The following ARHGEF37 variants were observed in gnomAD, a reference collection of about 807,000 sequenced individuals.
ARHGEF37 encodes the protein Rho guanine nucleotide exchange factor 37.
ARHGEF37 carries 55 observed loss-of-function variants against 71.1 expected under a neutral mutation model. The observed-to-expected ratio is 0.77, with a 90% CI of 0.62 to 0.97. The LOEUF is 0.97. Among genes scored for constraint, ARHGEF37 ranks in the 50% least tolerant of loss-of-function variants. ARHGEF37 has a pLI of 0.00. For missense variants in ARHGEF37, 765 were observed against 836.8 expected (o/e 0.91, Z 1.06); for synonymous variants, 327 against 350.6 (o/e 0.93, Z 0.75).
chr5:149,609,911 C>G (rs1161180282), intron 4 of ARHGEF37, among the ~76,000 whole-genome samples: 1 of 152,218 alleles, frequency 6.6e-6, no homozygotes, highest in African/African-American at 2.4e-5. Context: ...CTTCCTTATG[C>G]TCCACTGAAG....
At chr5:149,602,143 G>T (rs546450121) in intron 3 of ARHGEF37, among the ~76,000 whole-genome samples, 2 of 149,672 alleles carry the variant, frequency 1.3e-5, no homozygotes, top group African/African-American at 4.9e-5. Context: ...TGCAACCTCC[G>T]CCTCCTGGGT....
At position 149,555,144 on chromosome 5, in the gene ARHGEF37, AAAAG is replaced by A. The variant is rs1244317095; in HGVS notation, c.-12+3034_-12+3037del. ...AGACTCTGTCTCAAAAAAAAAAAAA[AAAAG>A]AAAGAAAGAAAGGAGTCTTCAAAGA... is the stretch of plus-strand genomic sequence containing the variant. On this transcript the variant is annotated intron_variant, in intron 1 of 2. Transcript: ENST00000505810. Among the ~76,000 whole-genome samples, 576 of 151,590 alleles carry A rather than the reference AAAAG, an allele frequency of 3.8e-3. 2 individuals carry two copies. Among genetic ancestry groups the A allele is most frequent in the African/African-American group, 0.013 (520 of 41,312 alleles).
intron 1 of ARHGEF37, among the ~76,000 whole-genome samples, chr5:149,588,451 C>G (rs1357951171): frequency 6.6e-6 from 1 of 152,120 alleles, no homozygotes; most frequent in Non-Finnish European, 1.5e-5. Context: ...CGTGTGCTAC[C>G]ACGCCTGGCT....
At chr5:149,623,786 A>C (rs1339146914) in intron 9 of ARHGEF37, among the ~76,000 whole-genome samples, 1 of 152,128 alleles carries the variant, frequency 6.6e-6, no homozygotes, top group African/African-American at 2.4e-5. Flanking sequence ...CAGCACTAAG[A>C]ACAATGAGTT....
chr5:149,629,958 T>C (rs6861325), intron 12 of ARHGEF37, among the ~76,000 whole-genome samples: 3,419 of 149,494 alleles, frequency 0.023, 132 homozygotes, highest in African/African-American at 0.08. Flanking sequence ...CACATAGGAT[T>C]CCATTATGTG....
intron 5 of ARHGEF37, among the ~76,000 whole-genome samples, chr5:149,617,887 G>GT (rs1752421864): frequency 6.6e-6 from 1 of 152,112 alleles, no homozygotes; most frequent in African/African-American, 2.4e-5. Flanking sequence ...TCTGTCTTAG[G>GT]TGACTCTCCC....
intron 10 of ARHGEF37, among the ~76,000 whole-genome samples, chr5:149,624,514 C>G (rs941402026): frequency 1.6e-4 from 25 of 152,228 alleles, no homozygotes; most frequent in African/African-American, 5.8e-4. Flanking sequence ...TAGCTCACAC[C>G]TGTAATCTCA....
intron 1 of ARHGEF37, among the ~76,000 whole-genome samples, chr5:149,587,310 A>G (rs1468701554): frequency 6.6e-6 from 1 of 152,156 alleles, no homozygotes; most frequent in Non-Finnish European, 1.5e-5. Flanking sequence ...TAGATCGGCC[A>G]TGTGTCTTTA....
chr5:149,588,703 T>C (rs963016807), intron 1 of ARHGEF37, among the ~76,000 whole-genome samples: 3 of 152,062 alleles, frequency 2.0e-5, no homozygotes, highest in South Asian at 4.1e-4. Flanking sequence ...GTTTTCCTTT[T>C]TCCCCCCTTC....
intron 1 of ARHGEF37, among the ~76,000 whole-genome samples, chr5:149,562,257 C>A (rs531878216): frequency 6.6e-6 from 1 of 152,092 alleles, no homozygotes; most frequent in East Asian, 1.9e-4. Context: ...GGGCCCTAAT[C>A]CACAAAGCAT....
rs748814270 is a variant in ARHGEF37, at chr5:149,597,849, C to T, written c.80C>T (p.Ser27Leu). The change falls in exon 2 of 13, where the codon TCG becomes TTG. Residue 27 changes from serine to leucine, a missense_variant. Physicochemically the swap from Ser to Leu is moderately radical, Grantham distance 145 (BLOSUM62 -2). Coordinates refer to ENST00000333677, the MANE Select transcript of ARHGEF37 (RefSeq NM_001001669.3). ...GAAGGTAGGGCCTCTGAGGACAGATCGCTGCTTCATCAGAGGCTGGCTGTC... is the reference window on the plus strand; with the variant it reads ...GAAGGTAGGGCCTCTGAGGACAGATTGCTGCTTCATCAGAGGCTGGCTGTC... ...DREGRASEDR[S>L]LLHQRLAVRE... is the part of the protein sequence containing the mutation. 8 of 1,609,992 alleles carry T rather than the reference C, an allele frequency of 5.0e-6. No homozygotes were observed. The highest frequency in any genetic ancestry group is 2.7e-5 in the African/African-American group (2 of 74,694).
intron 1 of ARHGEF37, among the ~76,000 whole-genome samples, chr5:149,597,125 G>A (rs1451631000): frequency 1.3e-5 from 2 of 152,098 alleles, no homozygotes; most frequent in African/African-American, 4.8e-5. Flanking sequence ...GGACCACTGG[G>A]AGAGGGTGAA....
Position 149,616,720 on chromosome 5 carries a change from G to A in ARHGEF37, c.612G>A (p.Gln204=), listed in dbSNP as rs764258102. ...PVLQRAVSAL[Q]DVNTNINEYK... ...TTCAGAGGGCTGTCTCTGCCCTCCAGGACGTGAACACCAATATCAATGAGT... is the reference window on the plus strand; with the variant it reads ...TTCAGAGGGCTGTCTCTGCCCTCCAAGACGTGAACACCAATATCAATGAGT... The change falls in exon 5 of 13, where the codon CAG becomes CAA. Residue 204 remains glutamine (Q), a synonymous_variant. Coordinates refer to ENST00000333677, the MANE Select transcript of ARHGEF37 (RefSeq NM_001001669.3). The A allele has an allele frequency of 6.2e-7, 1 of 1,613,574 alleles. No homozygotes were observed. The highest frequency in any genetic ancestry group is 1.1e-5 in the South Asian group (1 of 91,014).
At chr5:149,609,352 A>T (rs979019892) in intron 3 of ARHGEF37, among the ~76,000 whole-genome samples, 196 bp from the exon 4 acceptor site, 3 of 152,126 alleles carry the variant, frequency 2.0e-5, no homozygotes, top group African/African-American at 7.2e-5. Context: ...CTGTCACTCA[A>T]TCCTCAGAAC....
upstream of ARHGEF37, among the ~76,000 whole-genome samples, chr5:149,579,252 A>G (rs1383819010): frequency 1.3e-5 from 2 of 152,208 alleles, no homozygotes; most frequent in Non-Finnish European, 2.9e-5. Context: ...ACTTTACAGG[A>G]GTGTGAACTG....
chr5:149,619,954 T>G (rs1415030301), intron 7 of ARHGEF37, among the ~76,000 whole-genome samples: 1 of 151,642 alleles, frequency 6.6e-6, no homozygotes, highest in Non-Finnish European at 1.5e-5. Context: ...ACGCCTGTAG[T>G]CCCAGCTACT....
intron 8 of ARHGEF37, among the ~76,000 whole-genome samples, chr5:149,621,081 G>A (rs931145329): frequency 2.7e-4 from 41 of 152,262 alleles, no homozygotes; most frequent in Admixed American, 5.9e-4. Flanking sequence ...GAGGCTCAGA[G>A]GGGGTCACCT....
intron 4 of ARHGEF37, among the ~76,000 whole-genome samples, chr5:149,611,248 G>A (rs1352947440): frequency 6.6e-6 from 1 of 152,224 alleles, no homozygotes; most frequent in Admixed American, 6.5e-5. Flanking sequence ...TTTCTTGGTA[G>A]CAGGAGCTTC....
intron 1 of ARHGEF37, among the ~76,000 whole-genome samples, chr5:149,595,238 C>T (rs185382117): frequency 2.5e-4 from 38 of 152,290 alleles, no homozygotes; most frequent in Non-Finnish European, 4.4e-4. Context: ...TGCAGTGGTG[C>T]AATCTTGGCT....
Sources: gnomAD v4.1 joint callset for allele counts (sites outside exome capture counted in the v4.1 genomes callset) on GRCh38, gnomAD v4.1.1 for gene constraint, MANE v1.5 for transcripts, NCBI Gene and HGNC (gene_info 2026-07-23, HGNC 2026-07-21) for gene names.